The following ALDOB variants were observed in gnomAD, a reference collection of about 807,000 sequenced individuals.
ALDOB encodes the protein aldolase, fructose-bisphosphate B, also known as fructose-bisphosphate aldolase B.
A neutral mutation model predicts 41.0 loss-of-function variants in ALDOB; 39 were observed. The observed-to-expected ratio is 0.95, with a 90% CI of 0.74 to 1.24. The LOEUF (loss-of-function observed/expected upper bound fraction) is 1.24, where lower values mean the gene tolerates loss of function less well. ALDOB is among the 50% of genes most tolerant of loss of function. The probability of loss-of-function intolerance (pLI) is 0.00; values close to 1 mark genes in which losing one functional copy is unlikely to be tolerated. For synonymous variants in ALDOB, 175 were observed against 168.8 expected (o/e 1.04, Z -0.28); for missense variants, 530 against 457.3 (o/e 1.16, Z -1.45).
chr9:101,435,591 A>G (rs1409847184), intron 1 of ALDOB, 118 bp downstream of exon 1: 1 of 152,224 alleles, frequency 6.6e-6, no homozygotes, highest in African/African-American at 2.4e-5. Flanking sequence ...TTCAGCCACC[A>G]TCAAGTTTTT....
chr9:101,429,914 G>A lies in ALDOB; in HGVS notation c.165C>T (p.Asn55=), dbSNP rs759273480. ...AGAGGATTTCTCGGAACTGCCGGCGGTTCTCTTCAGTGTTTTCCACCTTGA... is the reference window on the plus strand; with the variant it reads ...AGAGGATTTCTCGGAACTGCCGGCGATTCTCTTCAGTGTTTTCCACCTTGA... ...QRIKVENTEE[N]RRQFREILFS... Residue 55 remains asparagine (N), a synonymous_variant, in exon 3 of 9, where the codon AAC becomes AAT. Coordinates refer to ENST00000647789, the MANE Select transcript of ALDOB (RefSeq NM_000035.4). The A allele has an allele frequency of 1.9e-6, 3 of 1,614,102 alleles. No homozygotes were observed. In the East Asian group the frequency reaches 6.7e-5, roughly 36 times the overall value.
intron 2 of ALDOB, among the ~76,000 whole-genome samples, chr9:101,430,556 C>T (rs1053210435): frequency 6.6e-6 from 1 of 152,170 alleles, no homozygotes; most frequent in Non-Finnish European, 1.5e-5. Flanking sequence ...ATTCAAATGA[C>T]CCCTGGCTTA....
intron 2 of ALDOB, 57 bp from the exon 3 acceptor site, chr9:101,430,023 C>A (rs1413087055): frequency 2.1e-6 from 3 of 1,434,370 alleles, no homozygotes; most frequent in Non-Finnish European, 2.9e-6. Flanking sequence ...TCCTGTCACC[C>A]TTCTCCACAT....
At chr9:101,434,833 G>A (rs1831269586) in intron 1 of ALDOB, among the ~76,000 whole-genome samples, 1 of 152,210 alleles carries the variant, frequency 6.6e-6, no homozygotes, top group African/African-American at 2.4e-5. Flanking sequence ...ACCTGGGCCT[G>A]GGTGCTACCC....
intron 7 of ALDOB, 25 bp downstream of exon 7, chr9:101,425,428 A>G: frequency 2.5e-6 from 4 of 1,613,094 alleles, no homozygotes; most frequent in Non-Finnish European, 3.4e-6. Context: ...TAAGACCTTG[A>G]GTTAGAGAAG....
chr9:101,427,963 G>A lies in ALDOB; in HGVS notation c.380-321C>T, dbSNP rs1831155704. On this transcript the variant is annotated intron_variant, in intron 4 of 8. Transcript: ENST00000647789. ...TTTACCAAGTTTGAATTGCTCAAGA[G>A]TGACAGAGCTGGGATTCAAATTCTG... Among the ~76,000 whole-genome samples the A allele has an allele frequency of 2.0e-5, 3 of 152,192 alleles. No individual in the cohort carries two copies. In the South Asian group the frequency reaches 6.2e-4, roughly 31 times the overall value.
At chr9:101,428,365 G>T in intron 4 of ALDOB, 104 bp downstream of exon 4, 1 of 1,057,492 alleles carries the variant, frequency 9.5e-7, no homozygotes, top group Non-Finnish European at 1.5e-6. Flanking sequence ...GTGGCTCTAA[G>T]ACCAGTGTAA....
chr9:101,425,159 C>T (rs1407945627), intron 7 of ALDOB, 117 bp from the exon 8 acceptor site: 1 of 1,247,714 alleles, frequency 8.0e-7, no homozygotes. Context: ...GCTTAATTTG[C>T]CTTAAAGCAA....
chr9:101,425,420 A>T (rs1179190720), intron 7 of ALDOB, 33 bp downstream of exon 7: 1 of 1,612,346 alleles, frequency 6.2e-7, no homozygotes, highest in East Asian at 2.2e-5. Flanking sequence ...ATGAGGGCTA[A>T]GACCTTGAGT....
chr9:101,434,007 C>T (rs959054914), intron 1 of ALDOB, among the ~76,000 whole-genome samples: 9 of 152,124 alleles, frequency 5.9e-5, no homozygotes, highest in South Asian at 2.1e-4. Flanking sequence ...CCTGAGTTCA[C>T]GCGATCCTCC....
intron 8 of ALDOB, among the ~76,000 whole-genome samples, chr9:101,424,490 G>C (rs1448116575): frequency 6.6e-6 from 1 of 152,068 alleles, no homozygotes; most frequent in Non-Finnish European, 1.5e-5. Context: ...CAGAATGCTT[G>C]GTTCACCCTA....
At chr9:101,426,289 GA>G (rs1323626701) in intron 6 of ALDOB, among the ~76,000 whole-genome samples, 1 of 152,182 alleles carries the variant, frequency 6.6e-6, no homozygotes, top group East Asian at 1.9e-4. Flanking sequence ...GAAGTCAAAA[GA>G]GATAATATGA....
At chr9:101,434,693 C>CT (rs2118375204) in intron 1 of ALDOB, among the ~76,000 whole-genome samples, 1 of 152,318 alleles carries the variant, frequency 6.6e-6, no homozygotes, top group African/African-American at 2.4e-5. Flanking sequence ...TTCCAGTGCC[C>CT]TTTAACACAC....
At chr9:101,433,984 C>T (rs1831257227) in intron 1 of ALDOB, among the ~76,000 whole-genome samples, 1 of 151,962 alleles carries the variant, frequency 6.6e-6, no homozygotes, top group South Asian at 2.1e-4. Context: ...GTTGCCCAGG[C>T]TTGTCTTGAA....
rs1406976536 is a variant in ALDOB, at chr9:101,421,519, A to T, written c.*290T>A. On this transcript the variant is annotated 3_prime_UTR_variant, in exon 9 of 9. Coordinates refer to ENST00000647789, the MANE Select transcript of ALDOB (RefSeq NM_000035.4). Reference sequence around the variant, plus strand: ...ATCAGCAGTTGTTCTTTGGATGAGGAGCCGATATTGTTTTAAAGCCTATTA... The same window carrying T: ...ATCAGCAGTTGTTCTTTGGATGAGGTGCCGATATTGTTTTAAAGCCTATTA... 4.4e-6 allele frequency: 2 copies of T among 451,854 alleles called. No individual in the cohort carries two copies. Among genetic ancestry groups the T allele is most frequent in the Non-Finnish European group, 4.1e-6 (1 of 244,444 alleles). 28.0% of individuals were successfully genotyped at this position (451,854 alleles called of 1,614,324 possible). A position where few individuals can be genotyped will look rare whatever the true frequency, so the allele number is the denominator to read the frequency against.
Position 101,427,536 on chromosome 9 carries a change from G to A in ALDOB, c.486C>T (p.Leu162=), listed in dbSNP as rs773334784. The A allele has an allele frequency of 9.9e-6, 16 of 1,614,018 alleles. No individual in the cohort carries two copies. Among genetic ancestry groups the A allele is most frequent in the Middle Eastern group, 1.6e-4 (1 of 6,084 alleles). Reference sequence around the variant, plus strand: ...GGGCGTTGGCGTTTTCCTGGATAGCGAGGCTGGATGGACACTGGTCGGCAA... The same window carrying A: ...GGGCGTTGGCGTTTTCCTGGATAGCAAGGCTGGATGGACACTGGTCGGCAA... ...LRIADQCPSS[L]AIQENANALA... The change falls in exon 5 of 9, where the codon CTC becomes CTT. Residue 162 remains leucine, a synonymous_variant. Coordinates refer to ENST00000647789, the MANE Select transcript of ALDOB (RefSeq NM_000035.4).
At chr9:101,430,959 CA>C in intron 1 of ALDOB, 62 bp from the exon 2 acceptor site, 1 of 1,155,144 alleles carries the variant, frequency 8.7e-7, no homozygotes, top group Non-Finnish European at 1.3e-6. Flanking sequence ...GATGCATGAC[CA>C]AGACAGTTGG....
chr9:101,429,139 CTT>C (rs552828978), intron 3 of ALDOB, among the ~76,000 whole-genome samples: 1 of 137,184 alleles, frequency 7.3e-6, no homozygotes, highest in African/African-American at 2.7e-5. Context: ...TTTTTTCTTT[CTT>C]TTTTTTTTTT....
rs1479725293 is a variant in ALDOB at position 101,424,827 on chromosome 9, G to A, written c.999+16C>T. On this transcript the variant is annotated intron_variant, in intron 8 of 8. Transcript: ENST00000647789. ...TGTGAACATCATCAAGTAGATAAGA[G>A]GTGGCAGCATCTTACCATGGCCCGC... 2 of 1,612,114 alleles carry A rather than the reference G, an allele frequency of 1.2e-6. No homozygotes were observed. Among genetic ancestry groups the A allele is most frequent in the East Asian group, 4.5e-5 (2 of 44,882 alleles).
Sources: allele counts gnomAD v4.1 joint callset (sites outside exome capture counted in the v4.1 genomes callset), GRCh38; gene constraint gnomAD v4.1.1; transcripts MANE v1.5; gene names NCBI Gene and HGNC (gene_info 2026-07-23, HGNC 2026-07-21).